PEG3: variants seen among roughly 807,000 people sequenced by gnomAD.
The protein encoded by PEG3 is paternally-expressed gene 3 protein.
A neutral mutation model predicts 35.5 loss-of-function variants in PEG3; 23 were observed. That is an observed-to-expected ratio of 0.65 (90% CI 0.47 to 0.92). PEG3 has a LOEUF of 0.92. Among genes scored for constraint, PEG3 ranks in the 40% least tolerant of loss-of-function variants. The probability of loss-of-function intolerance (pLI) is 0.00; values close to 1 mark genes in which losing one functional copy is unlikely to be tolerated. For missense variants in PEG3, 1,960 were observed against 1,985.3 expected (o/e 0.99, Z 0.24); for synonymous variants, 707 against 697.0 (o/e 1.01, Z -0.23).
At position 56,814,890 on chromosome 19, in the gene PEG3, G is replaced by T. The variant is rs1384112132; in HGVS notation, c.3552C>A (p.Ile1184=). 2 of 1,614,014 alleles carry T rather than the reference G, an allele frequency of 1.2e-6. No individual in the cohort carries two copies. The highest frequency in any genetic ancestry group is 1.7e-6 in the Non-Finnish European group (2 of 1,180,020). The part of the protein sequence containing the change: ...HSSFLFEHQR[I]HEQDQLYSMK... ...TGGAATACAACTGGTCTTGTTCATG[G>T]ATTCTCTGATGCTCGAAAAGGAATG... Residue 1184 remains isoleucine (I), a synonymous_variant, in exon 10 of 10, where the codon ATC becomes ATA. Coordinates refer to ENST00000326441, the MANE Select transcript of PEG3 (RefSeq NM_006210.3). The surrounding 1 kb of genome is among the most constrained non-coding windows in gnomAD (Gnocchi z 5.8).
Position 56,816,948 on chromosome 19 carries a change from A to G in PEG3, c.1494T>C (p.Ser498=). The G allele has an allele frequency of 6.2e-7, 1 of 1,614,108 alleles. No individual in the cohort carries two copies. The highest frequency in any genetic ancestry group is 8.5e-7 in the Non-Finnish European group (1 of 1,180,026). ...HSVAVSEVQK[S]QVGGKRFECK... ...ATTCAAAACGTTTCCCTCCAACCTG[A>G]CTTTTCTGAACTTCACTGACAGCCA... The change falls in exon 10 of 10, where the codon AGT becomes AGC. Residue 498 remains serine, a synonymous_variant. Coordinates refer to ENST00000326441, the MANE Select transcript of PEG3 (RefSeq NM_006210.3).
intron 8 of PEG3, 108 bp from the exon 9 acceptor site, chr19:56,817,943 C>T: frequency 3.7e-6 from 3 of 809,198 alleles, no homozygotes; most frequent in Non-Finnish European, 6.1e-6. Context: ...ATGAGGTGGC[C>T]CACATCTGAT....
chr19:56,831,906 T>C (rs1340551107), intron 2 of PEG3, among the ~76,000 whole-genome samples: 3 of 152,228 alleles, frequency 2.0e-5, no homozygotes, highest in African/African-American at 7.2e-5. Flanking sequence ...CACAATGGAA[T>C]ATAATGCAGT....
intron 2 of PEG3, among the ~76,000 whole-genome samples, chr19:56,828,836 T>G (rs906885129): frequency 1.3e-5 from 2 of 152,296 alleles, no homozygotes. Flanking sequence ...AATAAACCTT[T>G]TTTGACCTGT....
intron 2 of PEG3, among the ~76,000 whole-genome samples, chr19:56,829,143 G>T (rs1055466293): frequency 2.6e-5 from 4 of 152,116 alleles, no homozygotes; most frequent in African/African-American, 7.2e-5. Context: ...CTGAGGTCAG[G>T]AGTTCGAGAC....
At chr19:56,832,814 C>T (rs879218647) in intron 2 of PEG3, among the ~76,000 whole-genome samples, 1 of 152,210 alleles carries the variant, frequency 6.6e-6, no homozygotes, top group African/African-American at 2.4e-5. Context: ...TGAAACCTCT[C>T]TGTATACAGA....
chr19:56,837,864 C>T (rs2062360791), intron 1 of PEG3, among the ~76,000 whole-genome samples: 1 of 152,090 alleles, frequency 6.6e-6, no homozygotes, highest in African/African-American at 2.4e-5. Context: ...CTAGGATGGA[C>T]GGGGCTCACG....
chr19:56,826,106 A>G (rs1194965158), intron 3 of PEG3, among the ~76,000 whole-genome samples: 1 of 152,166 alleles, frequency 6.6e-6, no homozygotes, highest in Non-Finnish European at 1.5e-5. Context: ...AACCACGGAG[A>G]GCACAACATA....
At chr19:56,832,443 C>T (rs571852232) in intron 2 of PEG3, among the ~76,000 whole-genome samples, 3 of 152,312 alleles carry the variant, frequency 2.0e-5, no homozygotes, top group South Asian at 2.1e-4. Context: ...GCTGTCTAGC[C>T]GTCATATGGC....
intron 1 of PEG3, among the ~76,000 whole-genome samples, chr19:56,837,189 C>G (rs983979401): frequency 1.3e-5 from 2 of 152,072 alleles, no homozygotes; most frequent in East Asian, 3.9e-4. Flanking sequence ...CTGGGCAGCC[C>G]TCTAGCGGCT....
chr19:56,814,008 A>T lies in PEG3; in HGVS notation c.4434T>A (p.Asp1478Glu). The change falls in exon 10 of 10, where the codon GAT becomes GAA. Residue 1478 changes from aspartate to glutamate, a missense_variant. By Grantham distance (45) the Asp-to-Glu change is conservative (BLOSUM62 2). This residue lies in a region of PEG3 where 416 missense variants were observed against 416.7 expected (regional missense o/e 1.00). Coordinates refer to ENST00000326441, the MANE Select transcript of PEG3 (RefSeq NM_006210.3). The surrounding 1 kb of genome is among the most constrained non-coding windows in gnomAD (Gnocchi z 5.8). Reference protein sequence around the residue: ...PEGKAEEPEGDADEPDGVGIE... With the variant: ...PEGKAEEPEGEADEPDGVGIE... Reference sequence around the variant, plus strand: ...TTCCCACACCGTCAGGCTCGTCGGCATCTCCCTCTGGCTCTTCAGCTTTTC... The same window carrying T: ...TTCCCACACCGTCAGGCTCGTCGGCTTCTCCCTCTGGCTCTTCAGCTTTTC... 1 of 1,613,984 alleles carries T rather than the reference A, an allele frequency of 6.2e-7. No individual in the cohort carries two copies. The highest frequency in any genetic ancestry group is 8.5e-7 in the Non-Finnish European group (1 of 1,179,976).
intron 2 of PEG3, among the ~76,000 whole-genome samples, chr19:56,827,946 C>CA (rs1193022589): frequency 6.6e-6 from 1 of 152,152 alleles, no homozygotes; most frequent in African/African-American, 2.4e-5. Flanking sequence ...AACTAGGGGT[C>CA]AGGAAAGGGA....
chr19:56,814,356 T>TTCG lies in PEG3; in HGVS notation c.4085_4086insCGA (p.Asp1361dup). 6.2e-7 allele frequency: 1 copy of TTCG among 1,613,230 alleles called. No homozygotes were observed. The highest frequency in any genetic ancestry group is 1.1e-5 in the South Asian group (1 of 91,072). On this transcript the variant is annotated inframe_insertion, in exon 10 of 10. Coordinates refer to ENST00000326441, the MANE Select transcript of PEG3 (RefSeq NM_006210.3). The surrounding 1 kb of genome is among the most constrained non-coding windows in gnomAD (Gnocchi z 5.8). ...CTGCTGCTGCTGCAGCTGCTGCTGC[T>TTCG]TCATCTTCTTCTTCTTCTTCCAGAT...
intron 7 of PEG3, 126 bp downstream of exon 7, chr19:56,821,525 G>C (rs1002286660): frequency 8.6e-7 from 1 of 1,159,474 alleles, no homozygotes; most frequent in Non-Finnish European, 1.2e-6. Context: ...GCTCCTCCTG[G>C]AGCGCTGGGA....
Position 56,810,844 on chromosome 19 carries a change from T to G in PEG3, c.*2831A>C, listed in dbSNP as rs995443051. ...AGGTAATTTTTTAAAATAATTTACT[T>G]TATTTTCTAATTTTTCCTCTGGGTA... On this transcript the variant is annotated 3_prime_UTR_variant, in exon 10 of 10. Transcript: ENST00000326441. 9 of 968,880 alleles carry G rather than the reference T, an allele frequency of 9.3e-6. No individual in the cohort carries two copies. The highest frequency in any genetic ancestry group is 1.1e-5 in the Non-Finnish European group (9 of 814,850). The allele number at this position is 968,880 out of a possible 1,614,324, so 60.0% of individuals were successfully genotyped here. A position where few individuals can be genotyped will look rare whatever the true frequency, so the allele number is the denominator to read the frequency against.
intron 2 of PEG3, 141 bp from the exon 3 acceptor site, chr19:56,826,604 C>T (rs2061059084): frequency 6.6e-6 from 1 of 152,164 alleles, no homozygotes. Context: ...GGGGAAAGGC[C>T]ATTCCCATGC....
rs773319950 is a variant in PEG3 at position 56,813,865 on chromosome 19, G to A, written c.4577C>T (p.Thr1526Ile). ...SSTAFSEHLK[T>I]HASMIIFEPA... ...CTCAAATATGATCATGCTGGCATGA[G>A]TTTTCAGGTGTTCACTGAATGCTGT... Residue 1526 changes from threonine (T) to isoleucine (I), a missense_variant, in exon 10 of 10, where the codon ACT (threonine) becomes ATT (isoleucine). Transcript: ENST00000326441. The A allele has an allele frequency of 1.9e-6, 3 of 1,614,174 alleles. No individual in the cohort carries two copies. Among genetic ancestry groups the A allele is most frequent in the Admixed American group, 1.7e-5 (1 of 60,032 alleles).
chr19:56,817,646 G>A lies in PEG3; in HGVS notation c.863-67C>T. 2.6e-6 allele frequency: 4 copies of A among 1,512,172 alleles called. No individual in the cohort carries two copies. In the East Asian group the frequency reaches 6.8e-5, roughly 26 times the overall value. 93.7% of individuals were successfully genotyped at this position (1,512,172 alleles called of 1,614,324 possible). A position where few individuals can be genotyped will look rare whatever the true frequency, so the allele number is the denominator to read the frequency against. On this transcript the variant is annotated intron_variant, in intron 9 of 9. Coordinates refer to ENST00000326441, the MANE Select transcript of PEG3 (RefSeq NM_006210.3). ...AAGAAGGACAGTGGGACTTGGAGGGGTGCACCCTTCTGTGATGTTTAGGAA... is the reference window on the plus strand; with the variant it reads ...AAGAAGGACAGTGGGACTTGGAGGGATGCACCCTTCTGTGATGTTTAGGAA...
At chr19:56,837,687 G>T (rs1432410290) in intron 1 of PEG3, among the ~76,000 whole-genome samples, 1 of 152,212 alleles carries the variant, frequency 6.6e-6, no homozygotes, top group Non-Finnish European at 1.5e-5. Flanking sequence ...TCCAGTGCAG[G>T]CCCCACCCAT....
Sources: allele counts gnomAD v4.1 joint callset (sites outside exome capture counted in the v4.1 genomes callset), GRCh38; gene constraint gnomAD v4.1.1; regional missense constraint gnomAD v4.1.1; non-coding constraint Gnocchi (gnomAD v3.1); transcripts MANE v1.5; gene names NCBI Gene and HGNC (gene_info 2026-07-23, HGNC 2026-07-21).